EML1: variants seen among roughly 807,000 people sequenced by gnomAD.
EML1 encodes the protein echinoderm microtubule-associated protein-like 1.
In EML1, 27 loss-of-function variants were observed where a neutral mutation model predicts 110.4. That is an observed-to-expected ratio of 0.24 (90% confidence interval 0.18 to 0.34). EML1 has a LOEUF of 0.34. Among genes scored for constraint, EML1 ranks in the 10% least tolerant of loss-of-function variants. EML1 has a pLI of 1.00. For synonymous variants in EML1, 344 were observed against 385.8 expected (o/e 0.89, Z 1.27); for missense variants, 741 against 1,030.9 (o/e 0.72, Z 3.85).
chr14:99,900,741 G>A (rs774620045), intron 8 of EML1, among the ~76,000 whole-genome samples, 188 bp from the exon 9 acceptor site: 4 of 152,058 alleles, frequency 2.6e-5, no homozygotes, highest in Non-Finnish European at 5.9e-5. Context: ...TTATCAACAA[G>A]GCCCTCCACC....
Position 99,860,432 on chromosome 14 carries a change from G to A in EML1, c.251-5082G>A, listed in dbSNP as rs576672108. 2.6e-4 allele frequency among the ~76,000 whole-genome samples: 39 copies of A among 152,202 alleles called. 1 individual carries two copies. The highest frequency in any genetic ancestry group is 6.8e-3 in the Middle Eastern group (2 of 292). ...CTGCATTTTTAAAGAGCACTTATCT[G>A]AAAATGATTCATTACAGCTGCTCCT... On this transcript the variant is annotated intron_variant, in intron 2 of 21. Transcript: ENST00000262233.
At position 99,883,820 on chromosome 14, in the gene EML1, A is replaced by C. The variant is rs147561159; in HGVS notation, c.518+5201A>C. On this transcript the variant is annotated intron_variant, in intron 4 of 21. Coordinates refer to ENST00000262233, the MANE Select transcript of EML1 (RefSeq NM_004434.3). The stretch of plus-strand genomic sequence containing the variant: ...TCATGTTTCCAGCCCGAAGTACTTC[A>C]GTTGGACGTTTAAGTACCAAACAAG... Among the ~76,000 whole-genome samples, 166 of 152,344 alleles carry C rather than the reference A, an allele frequency of 1.1e-3. 2 individuals carry two copies. In the East Asian group the frequency reaches 0.027, roughly 25 times the overall value.
chr14:99,935,985 G>A, intron 17 of EML1, 44 bp from the exon 18 acceptor site: 1 of 1,562,404 alleles, frequency 6.4e-7, no homozygotes, highest in African/African-American at 1.4e-5. Context: ...CGAACAAAAT[G>A]TGTATTGTTA....
At chr14:99,928,407 G>T (rs550482899) in intron 17 of EML1, among the ~76,000 whole-genome samples, 1 of 152,050 alleles carries the variant, frequency 6.6e-6, no homozygotes, top group African/African-American at 2.4e-5. Context: ...GTTGTTCCAG[G>T]ATCCTTGTAT....
chr14:99,814,121 A>G (rs2058127617), intron 1 of EML1, among the ~76,000 whole-genome samples: 1 of 152,206 alleles, frequency 6.6e-6, no homozygotes. Flanking sequence ...CCCCAACACT[A>G]AAACATGAAA....
At chr14:99,760,083 CAAAAAAAAAAAAAAAAAAAAA>C (rs61619098) in intron 1 of EML1, among the ~76,000 whole-genome samples, 19 of 47,132 alleles carry the variant, frequency 4.0e-4, no homozygotes, top group Non-Finnish European at 4.5e-4. Flanking sequence ...GACTCCCTCT[CAAAAAAAAAAAAAAAAAAAAA>C]AAAAAAAAAG....
In EML1 at chr14:99,914,248, A is replaced by T. The variant is rs1457222268; in HGVS notation, c.1564A>T (p.Thr522Ser). The T allele has an allele frequency of 6.2e-7, 1 of 1,613,804 alleles. No individual in the cohort carries two copies. Among genetic ancestry groups the T allele is most frequent in the Non-Finnish European group, 8.5e-7 (1 of 1,179,906 alleles). Residue 522 changes from threonine (T) to serine (S), a missense_variant, in exon 14 of 22, where the codon ACT becomes TCT. Physicochemically the swap from Thr to Ser is moderately conservative, Grantham distance 58. Transcript: ENST00000262233. The stretch of plus-strand genomic sequence containing the variant: ...AGGCGATGTGATCTTGATTGGCACA[A>T]CTCGAAACTTTGTCCTGCAGGGCAC... ...GKGDVILIGT[T>S]RNFVLQGTLS...
rs1305713584 is a variant in EML1, at chr14:99,743,718, G to A, written c.28+5858G>A. Among the ~76,000 whole-genome samples, 6 of 152,172 alleles carry A rather than the reference G, an allele frequency of 3.9e-5. No homozygotes were observed. In the South Asian group the frequency reaches 6.2e-4, roughly 16 times the overall value. ...ACATTCACATGACTGGGGGCCCCAC[G>A]CCAGTGTCGGAAGTACCCTCGCAGG... On this transcript the variant is annotated intron_variant, in intron 1 of 10. Transcript: ENST00000554479.
chr14:99,738,782 G>A (rs1249335136), intron 1 of EML1, among the ~76,000 whole-genome samples: 3 of 152,240 alleles, frequency 2.0e-5, no homozygotes, highest in Admixed American at 6.5e-5. Flanking sequence ...CTGGCAGCAG[G>A]TGGGCACCCT....
intron 4 of EML1, among the ~76,000 whole-genome samples, chr14:99,887,170 A>G (rs1462055036): frequency 1.3e-5 from 2 of 152,158 alleles, no homozygotes; most frequent in Middle Eastern, 3.2e-3. Flanking sequence ...TGAAGATTCA[A>G]ATGTACCTCA....
At chr14:99,812,014 G>A (rs1343283902) in intron 1 of EML1, among the ~76,000 whole-genome samples, 1 of 151,830 alleles carries the variant, frequency 6.6e-6, no homozygotes, top group African/African-American at 2.4e-5. Context: ...GAAAATTCCT[G>A]TGTAAGTGGA....
At chr14:99,777,544 C>T (rs1337152258) in intron 1 of EML1, among the ~76,000 whole-genome samples, 1 of 152,112 alleles carries the variant, frequency 6.6e-6, no homozygotes, top group African/African-American at 2.4e-5. Context: ...CTCAGCCTCC[C>T]CAGTAGCTGG....
chr14:99,795,470 T>A (rs1443008734), intron 1 of EML1, among the ~76,000 whole-genome samples: 1 of 152,244 alleles, frequency 6.6e-6, no homozygotes, highest in African/African-American at 2.4e-5. Context: ...ATTTTTTTTT[T>A]AGGTTGTCTA....
intron 1 of EML1, among the ~76,000 whole-genome samples, chr14:99,832,834 A>C (rs1466043521): frequency 6.6e-6 from 1 of 152,144 alleles, no homozygotes; most frequent in Non-Finnish European, 1.5e-5. Flanking sequence ...CTCTCCTAAC[A>C]GTGTCTTTTG....
intron 2 of EML1, among the ~76,000 whole-genome samples, chr14:99,856,198 C>G (rs563438342): frequency 6.6e-6 from 1 of 152,162 alleles, no homozygotes; most frequent in Non-Finnish European, 1.5e-5. Context: ...CCCCAGGGCC[C>G]GGCTGGCATG....
chr14:99,886,429 C>T (rs1354483044), intron 4 of EML1, among the ~76,000 whole-genome samples: 4 of 151,898 alleles, frequency 2.6e-5, no homozygotes, highest in Admixed American at 1.3e-4. Flanking sequence ...TGCCGTGAGC[C>T]GAGATCACAC....
chr14:99,863,620 A>G (rs1374480308), intron 2 of EML1, among the ~76,000 whole-genome samples: 1 of 152,212 alleles, frequency 6.6e-6, no homozygotes, highest in African/African-American at 2.4e-5. Context: ...AGCCTCTCAG[A>G]CTTGCTGCTT....
intron 4 of EML1, among the ~76,000 whole-genome samples, chr14:99,884,793 A>G (rs190057846): frequency 2.0e-4 from 30 of 152,346 alleles, no homozygotes; most frequent in African/African-American, 7.2e-4. Context: ...TCTAGCACCT[A>G]GGAGGAGGAG....
chr14:99,775,768 G>A (rs1347450028), intron 1 of EML1, among the ~76,000 whole-genome samples: 1 of 152,132 alleles, frequency 6.6e-6, no homozygotes, highest in Non-Finnish European at 1.5e-5. Context: ...TTTGAAAGGC[G>A]TGCCTAAGAT....
Sources: gnomAD v4.1 joint callset for allele counts (sites outside exome capture counted in the v4.1 genomes callset) on GRCh38, gnomAD v4.1.1 for gene constraint, MANE v1.5 for transcripts, NCBI Gene and HGNC (gene_info 2026-07-23, HGNC 2026-07-21) for gene names.